PDE10A: variants seen among roughly 807,000 people sequenced by gnomAD.
The protein encoded by PDE10A is cAMP and cAMP-inhibited cGMP 3',5'-cyclic phosphodiesterase 10A.
Under a neutral mutation model 97.7 loss-of-function variants are expected in PDE10A, and 39 were observed. The ratio of observed to expected loss-of-function variants is 0.40; its 90% CI spans 0.31 to 0.52. The LOEUF (loss-of-function observed/expected upper bound fraction) is 0.52, where lower values mean the gene tolerates loss of function less well. PDE10A is among the 20% of genes least tolerant of loss of function. The pLI is 0.56. For missense variants in PDE10A, 731 were observed against 1,047.8 expected (o/e 0.70, Z 4.17); for synonymous variants, 371 against 376.8 (o/e 0.98, Z 0.18).
intron 1 of PDE10A, among the ~76,000 whole-genome samples, chr6:165,839,971 T>TCCCCATCCCCATCTCCACCTC (rs1780198714): frequency 4.1e-5 from 2 of 48,928 alleles, no homozygotes; most frequent in Non-Finnish European, 4.3e-5. Flanking sequence ...ATCTCTGTCT[T>TCCCCATCCCCATCTCCACCTC]CATCCCCATC....
At chr6:165,702,407 G>A (rs2128443994) in intron 1 of PDE10A, among the ~76,000 whole-genome samples, 1 of 152,232 alleles carries the variant, frequency 6.6e-6, no homozygotes, top group South Asian at 2.1e-4. Flanking sequence ...TGATCCTAAG[G>A]GCTTAATTAG....
chr6:165,770,874 C>G (rs1396179543), intron 1 of PDE10A, among the ~76,000 whole-genome samples: 1 of 152,216 alleles, frequency 6.6e-6, no homozygotes, highest in Non-Finnish European at 1.5e-5. Flanking sequence ...CCGGGGCCAC[C>G]TTGCACGTGA....
At chr6:165,783,597 T>C (rs1422529702) in intron 1 of PDE10A, among the ~76,000 whole-genome samples, 1 of 107,514 alleles carries the variant, frequency 9.3e-6, no homozygotes. Context: ...ACGAGTCACA[T>C]AGAATGAAAA....
At chr6:165,577,675 TC>T (rs1202572765) in intron 1 of PDE10A, among the ~76,000 whole-genome samples, 1 of 152,096 alleles carries the variant, frequency 6.6e-6, no homozygotes, top group Non-Finnish European at 1.5e-5. Context: ...AGTCCCTGCC[TC>T]CCAGCCACCA....
intron 1 of PDE10A, among the ~76,000 whole-genome samples, chr6:165,936,292 AATGTGATGAACCATGGAG>A (rs1297459190): frequency 6.6e-6 from 1 of 152,184 alleles, no homozygotes; most frequent in Admixed American, 6.5e-5. Context: ...CCATGGAGGG[AATGTGATGAACCATGGAG>A]AGAATGTGGA....
chr6:165,729,048 A>G (rs1792363025), intron 1 of PDE10A, among the ~76,000 whole-genome samples: 1 of 152,210 alleles, frequency 6.6e-6, no homozygotes, highest in African/African-American at 2.4e-5. Context: ...ATGCAACAAA[A>G]AACATTAGTG....
rs1334168389 is a variant in PDE10A at position 165,702,875 on chromosome 6, ATGACTCT to A, written c.-614-159314_-614-159308del. Among the ~76,000 whole-genome samples the A allele has an allele frequency of 3.9e-4, 60 of 152,276 alleles. No individual in the cohort carries two copies. The South Asian group carries it at 9.6e-3, about 24-fold the overall frequency. ...GGCTCTGACGTTCCTAACACATGAG[ATGACTCT>A]GGAAGCCAGGACCTGCCGTGGGAAA... is the stretch of plus-strand genomic sequence containing the variant. On this transcript the variant is annotated intron_variant, in intron 1 of 19. Coordinates refer to the PDE10A transcript ENST00000366882.
At chr6:165,934,485 A>AC (rs1288901597) in intron 1 of PDE10A, among the ~76,000 whole-genome samples, 1 of 151,760 alleles carries the variant, frequency 6.6e-6, no homozygotes, top group African/African-American at 2.4e-5. Context: ...ACAAAAAAAA[A>AC]CCCTCTGGAT....
At chr6:165,912,449 C>T (rs898946742) in intron 1 of PDE10A, among the ~76,000 whole-genome samples, 2 of 152,186 alleles carry the variant, frequency 1.3e-5, no homozygotes, top group African/African-American at 2.4e-5. Context: ...GACAAGGCAA[C>T]GCTCCACCTT....
intron 1 of PDE10A, among the ~76,000 whole-genome samples, chr6:165,943,172 GAAAAAAGAAAGAAAGAAAGAAAGAAAGA>G (rs1783594797): frequency 1.7e-5 from 1 of 60,224 alleles, no homozygotes; most frequent in African/African-American, 8.5e-5. Flanking sequence ...AAGAAAGAAA[GAAAAAAGAAAGAAAGAAAGAAAGAAAGA>G]AAGAAAGAAA....
chr6:165,598,464 G>A (rs1313974937), intron 1 of PDE10A, among the ~76,000 whole-genome samples: 1 of 152,158 alleles, frequency 6.6e-6, no homozygotes, highest in Non-Finnish European at 1.5e-5. Context: ...TACAGAAGTT[G>A]CTCCATATCA....
At chr6:165,640,992 C>T (rs998444039) in intron 1 of PDE10A, among the ~76,000 whole-genome samples, 2 of 152,170 alleles carry the variant, frequency 1.3e-5, no homozygotes, top group Admixed American at 6.5e-5. Context: ...TGTCTTAAAT[C>T]GGTGACCTCA....
chr6:165,380,422 A>G (rs1018714863), intron 17 of PDE10A, among the ~76,000 whole-genome samples: 1 of 152,182 alleles, frequency 6.6e-6, no homozygotes, highest in Non-Finnish European at 1.5e-5. Flanking sequence ...TACATGCACC[A>G]TTTGTTTTCA....
At chr6:165,744,996 C>G (rs543210134) in intron 1 of PDE10A, among the ~76,000 whole-genome samples, 2 of 152,210 alleles carry the variant, frequency 1.3e-5, no homozygotes, top group Non-Finnish European at 2.9e-5. Context: ...TGTGTATTTC[C>G]TTGCAACCTC....
intron 1 of PDE10A, among the ~76,000 whole-genome samples, chr6:165,580,893 T>C (rs753605463): frequency 2.6e-5 from 4 of 150,976 alleles, no homozygotes; most frequent in African/African-American, 4.9e-5. Context: ...GTAAGTCTCC[T>C]ACCCGATGAG....
At chr6:165,778,848 T>G (rs1778267217) in intron 1 of PDE10A, among the ~76,000 whole-genome samples, 1 of 152,230 alleles carries the variant, frequency 6.6e-6, no homozygotes, top group African/African-American at 2.4e-5. Flanking sequence ...TTTTTTTAAT[T>G]AAAAATTTTT....
chr6:165,851,069 C>T (rs1220966189), intron 1 of PDE10A, among the ~76,000 whole-genome samples: 1 of 152,214 alleles, frequency 6.6e-6, no homozygotes, highest in Non-Finnish European at 1.5e-5. Context: ...AGAAAATAGA[C>T]TGCTGAAAGA....
intron 3 of PDE10A, among the ~76,000 whole-genome samples, chr6:165,457,884 C>T (rs1344693517): frequency 1.3e-5 from 2 of 152,162 alleles, no homozygotes; most frequent in Non-Finnish European, 2.9e-5. Context: ...TAGACAGCTA[C>T]TTAGCCAAAA....
intron 3 of PDE10A, among the ~76,000 whole-genome samples, chr6:165,478,867 A>C (rs1239752018): frequency 6.6e-6 from 1 of 152,040 alleles, no homozygotes; most frequent in Non-Finnish European, 1.5e-5. Context: ...TCTGATAATA[A>C]CTCTTTCAAC....
Sources: gnomAD v4.1 joint callset for allele counts (sites outside exome capture counted in the v4.1 genomes callset) on GRCh38, gnomAD v4.1.1 for gene constraint, MANE v1.5 for transcripts, NCBI Gene and HGNC (gene_info 2026-07-23, HGNC 2026-07-21) for gene names.